SV2B: variants seen among roughly 807,000 people sequenced by gnomAD.
The protein encoded by SV2B is solute carrier family 22 member B2.
In SV2B, 41 loss-of-function variants were observed where a neutral mutation model predicts 73.9. The ratio of observed to expected loss-of-function variants is 0.56; its 90% CI spans 0.43 to 0.72. The LOEUF (loss-of-function observed/expected upper bound fraction) is 0.72, where lower values mean the gene tolerates loss of function less well. SV2B is among the 30% of genes least tolerant of loss of function. The probability of loss-of-function intolerance (pLI) is 0.00; values close to 1 mark genes in which losing one functional copy is unlikely to be tolerated. For missense variants in SV2B, 764 were observed against 857.8 expected, an observed-to-expected ratio of 0.89 and a Z score of 1.37; for synonymous variants, 314 against 314.2, an observed-to-expected ratio of 1.00 and a Z score of 0.01.
In SV2B at chr15:91,226,282, CAGG is replaced by C; in HGVS notation, c.21_23del (p.Gln7_Asp8delinsHis). On this transcript the variant is annotated inframe_deletion, in exon 2 of 13. Coordinates refer to ENST00000394232, the MANE Select transcript of SV2B (RefSeq NM_001323032.3). The stretch of plus-strand genomic sequence containing the variant: ...CCAAGGAATGGATGACTACAAGTAT[CAGG>C]ACAATTATGGGGGCTATGCTCCCAG... 1 of 1,614,124 alleles carries C rather than the reference CAGG, an allele frequency of 6.2e-7. No individual in the cohort carries two copies. The highest frequency in any genetic ancestry group is 1.7e-5 in the Admixed American group (1 of 60,018).
At chr15:91,154,171 TTATAAA>T (rs1334209537) in intron 1 of SV2B, among the ~76,000 whole-genome samples, 1 of 147,970 alleles carries the variant, frequency 6.8e-6, no homozygotes, top group African/African-American at 2.4e-5. Flanking sequence ...ATATTATAGA[TTATAAA>T]TATAAATTAT....
chr15:91,300,215 T>G lies in SV2B; in HGVS notation c.*7663T>G, dbSNP rs1320463858. The G allele has an allele frequency of 6.6e-6, 1 of 152,198 alleles. No homozygotes were observed. Among genetic ancestry groups the G allele is most frequent in the Non-Finnish European group, 1.5e-5 (1 of 68,040 alleles). The allele number at this position is 152,198 out of a possible 1,614,324, so 9.4% of individuals were successfully genotyped here. A position where few individuals can be genotyped will look rare whatever the true frequency, so the allele number is the denominator to read the frequency against. ...AACATTAAAATAACTTATCCATGAATTTCAGGTTTCAAGGAAGGAGGAATA... is the reference window on the plus strand; with the variant it reads ...AACATTAAAATAACTTATCCATGAAGTTCAGGTTTCAAGGAAGGAGGAATA... On this transcript the variant is annotated 3_prime_UTR_variant, in exon 13 of 13. Coordinates refer to ENST00000394232, the MANE Select transcript of SV2B (RefSeq NM_001323032.3).
chr15:91,289,998 C>T lies in SV2B; in HGVS notation c.1868+318C>T, dbSNP rs532394825. ...TAATCCACAAGAGAGAACAGACCTT[C>T]AAGGGGAGATAAGGCAAAAAAGTGA... On this transcript the variant is annotated intron_variant, in intron 12 of 12. Transcript: ENST00000394232. This position sits in a 1 kb window ranked among gnomAD's most constrained non-coding sequence, Gnocchi z 4.9. Among the ~76,000 whole-genome samples, 48 of 152,146 alleles carry T rather than the reference C, an allele frequency of 3.2e-4. No individual in the cohort carries two copies. Among genetic ancestry groups the T allele is most frequent in the Middle Eastern group, 3.4e-3 (1 of 294 alleles).
In SV2B at chr15:91,229,737, C is replaced by A. The variant is rs1007938361; in HGVS notation, c.451+3023C>A. 1.1e-4 allele frequency among the ~76,000 whole-genome samples: 17 copies of A among 152,260 alleles called. No individual in the cohort carries two copies. The highest frequency in any genetic ancestry group is 3.9e-4 in the Admixed American group (6 of 15,294). On this transcript the variant is annotated intron_variant, in intron 2 of 12. Transcript: ENST00000394232. This position sits in a 1 kb window ranked among gnomAD's most constrained non-coding sequence, Gnocchi z 4.3. ...AAGATATCTTAGTTATTATTATTGT[C>A]GATTGTGGTTGTTCTTATTACTAAA...
intron 9 of SV2B, among the ~76,000 whole-genome samples, chr15:91,277,050 G>A (rs1021703352): frequency 1.9e-4 from 29 of 152,058 alleles, no homozygotes; most frequent in African/African-American, 4.3e-4. Context: ...TCAAATTCCC[G>A]ACATCAGGTG....
At chr15:91,119,967 ATAT>A (rs1567267440) in intron 1 of SV2B, among the ~76,000 whole-genome samples, 1 of 152,202 alleles carries the variant, frequency 6.6e-6, no homozygotes, top group Non-Finnish European at 1.5e-5. Context: ...TATATTGAAG[ATAT>A]TATTCTCCTT....
intron 1 of SV2B, among the ~76,000 whole-genome samples, chr15:91,168,542 A>G (rs1437962744): frequency 6.6e-6 from 1 of 152,198 alleles, no homozygotes; most frequent in African/African-American, 2.4e-5. Flanking sequence ...TGTTCCACAG[A>G]GGTCCCCCTT....
At position 91,112,534 on chromosome 15, in the gene SV2B, T is replaced by A. The variant is rs1459467478; in HGVS notation, c.-392+12171T>A. 1.1e-4 allele frequency among the ~76,000 whole-genome samples: 17 copies of A among 152,332 alleles called. No homozygotes were observed. In the East Asian group the frequency reaches 3.3e-3, roughly 29 times the overall value. ...AAGAAAGAAAAAGCTTTTAGGTTGT[T>A]GTTACCCAAAACAAATGGAGTGGAA... On this transcript the variant is annotated intron_variant, in intron 1 of 12. Coordinates refer to ENST00000394232, the MANE Select transcript of SV2B (RefSeq NM_001323032.3).
chr15:91,207,003 T>C (rs17642414), intron 1 of SV2B, among the ~76,000 whole-genome samples: 3,394 of 152,100 alleles, frequency 0.022, 102 homozygotes, highest in East Asian at 0.12. Context: ...GAGGGCAAGA[T>C]GAAAGATGTG....
Position 91,252,341 on chromosome 15 carries a change from C to A in SV2B, c.633-28C>A, listed in dbSNP as rs933914623. On this transcript the variant is annotated intron_variant, in intron 3 of 12. Coordinates refer to ENST00000394232, the MANE Select transcript of SV2B (RefSeq NM_001323032.3). This position sits in a 1 kb window ranked among gnomAD's most constrained non-coding sequence, Gnocchi z 4.6. ...ACCATTTTTAGTGTATGACTTGATT[C>A]TTTCTCTCTGGCATTTTTCCTTTGC... is the stretch of plus-strand genomic sequence containing the variant. 1.3e-6 allele frequency: 2 copies of A among 1,587,494 alleles called. No homozygotes were observed. Among genetic ancestry groups the A allele is most frequent in the Admixed American group, 1.7e-5 (1 of 57,528 alleles).
chr15:91,134,003 C>CTTTTTTTTTTTTTTTTTTTTTTTTTTT, intron 1 of SV2B, among the ~76,000 whole-genome samples: 1 of 49,318 alleles, frequency 2.0e-5, no homozygotes, highest in Non-Finnish European at 4.0e-5. Context: ...TTTCTTTCTT[C>CTTTTTTTTTTTTTTTTTTTTTTTTTTT]CTTTTTTTTT....
chr15:91,172,042 A>G (rs1405820552), intron 1 of SV2B, among the ~76,000 whole-genome samples: 1 of 152,188 alleles, frequency 6.6e-6, no homozygotes, highest in Non-Finnish European at 1.5e-5. Flanking sequence ...GGTTAAGTGT[A>G]TGTGTACATT....
chr15:91,276,915 A>AG (rs59749572), intron 9 of SV2B, among the ~76,000 whole-genome samples: 64,733 of 151,184 alleles, frequency 0.43, 14,957 homozygotes, highest in African/African-American at 0.57. Flanking sequence ...TCTGCCTCCC[A>AG]GTTCAAGTGA....
At position 91,129,832 on chromosome 15, in the gene SV2B, C is replaced by T. The variant is rs749333260; in HGVS notation, c.-392+29469C>T. Among the ~76,000 whole-genome samples, 1 of 152,190 alleles carries T rather than the reference C, an allele frequency of 6.6e-6. No individual in the cohort carries two copies. Among genetic ancestry groups the T allele is most frequent in the African/African-American group, 2.4e-5 (1 of 41,444 alleles). ...TGACCGTAAGTATGGTTTTCCTCAG[C>T]CTGTGTTTCCTCATCTGTAAAAGAG... On this transcript the variant is annotated intron_variant, in intron 1 of 12. Coordinates refer to ENST00000394232, the MANE Select transcript of SV2B (RefSeq NM_001323032.3). The surrounding 1 kb of genome is among the most constrained non-coding windows in gnomAD (Gnocchi z 5.1).
chr15:91,175,020 A>G (rs2044251695), intron 1 of SV2B, among the ~76,000 whole-genome samples: 1 of 152,218 alleles, frequency 6.6e-6, no homozygotes, highest in Admixed American at 6.5e-5. Context: ...CCCTGCAGCT[A>G]TGTCGCTATA....
In SV2B at chr15:91,137,599, A is replaced by G. The variant is rs76870905; in HGVS notation, c.-392+37236A>G. Among the ~76,000 whole-genome samples the G allele has an allele frequency of 7.2e-6, 1 of 139,052 alleles. No homozygotes were observed. The highest frequency in any genetic ancestry group is 2.6e-5 in the African/African-American group (1 of 38,004). The allele number at this position is 139,052 out of a possible 152,430, so 91.2% of individuals were successfully genotyped here. A position where few individuals can be genotyped will look rare whatever the true frequency, so the allele number is the denominator to read the frequency against. On this transcript the variant is annotated intron_variant, in intron 1 of 12. Transcript: ENST00000394232. This position sits in a 1 kb window ranked among gnomAD's most constrained non-coding sequence, Gnocchi z 4.9. ...ATATATATATATTTCTCATATATAT[A>G]TATATTTCATATATATATTTCATAT... is the stretch of plus-strand genomic sequence containing the variant.
Position 91,229,705 on chromosome 15 carries a change from A to G in SV2B, c.451+2991A>G, listed in dbSNP as rs1279789353. Among the ~76,000 whole-genome samples, 3 of 152,264 alleles carry G rather than the reference A, an allele frequency of 2.0e-5. No homozygotes were observed. Among genetic ancestry groups the G allele is most frequent in the Non-Finnish European group, 4.4e-5 (3 of 68,050 alleles). On this transcript the variant is annotated intron_variant, in intron 2 of 12. Transcript: ENST00000394232. The surrounding 1 kb of genome is among the most constrained non-coding windows in gnomAD (Gnocchi z 4.3). ...ACTAAAACAGTACCTGCCCCTAATCAGTGCTCAAGATATCTTAGTTATTAT... is the reference window on the plus strand; with the variant it reads ...ACTAAAACAGTACCTGCCCCTAATCGGTGCTCAAGATATCTTAGTTATTAT...
intron 1 of SV2B, among the ~76,000 whole-genome samples, chr15:91,178,295 A>G (rs1243932057): frequency 6.6e-6 from 1 of 150,952 alleles, no homozygotes; most frequent in Non-Finnish European, 1.5e-5. Context: ...TCGGTTTGCC[A>G]GTATTTTATT....
At chr15:91,138,524 A>T (rs57245562) in intron 1 of SV2B, among the ~76,000 whole-genome samples, 17 of 152,120 alleles carry the variant, frequency 1.1e-4, no homozygotes, top group Non-Finnish European at 1.3e-4. Flanking sequence ...TGGCACTCTG[A>T]GTTCATGGAT....
Sources: allele counts gnomAD v4.1 joint callset (sites outside exome capture counted in the v4.1 genomes callset), GRCh38; gene constraint gnomAD v4.1.1; non-coding constraint Gnocchi (gnomAD v3.1); transcripts MANE v1.5; gene names NCBI Gene and HGNC (gene_info 2026-07-23, HGNC 2026-07-21).